A2M: variants seen among roughly 807,000 people sequenced by gnomAD.
A2M encodes the protein C3 and PZP-like alpha-2-macroglobulin domain-containing protein 5.
Under a neutral mutation model 183.9 loss-of-function variants are expected in A2M, and 128 were observed. The ratio of observed to expected loss-of-function variants is 0.70; its 90% CI spans 0.60 to 0.81. The LOEUF is 0.81. A2M is among the 30% of genes least tolerant of loss of function. The probability of loss-of-function intolerance (pLI) is 0.00; values close to 1 mark genes in which losing one functional copy is unlikely to be tolerated. For synonymous variants in A2M, 592 were observed against 670.8 expected (o/e 0.88, Z 1.81); for missense variants, 1,495 against 1,787.6 (o/e 0.84, Z 2.95).
chr12:9,106,629 C>T, intron 8 of A2M, 24 bp from the exon 9 acceptor site: 3 of 1,292,326 alleles, frequency 2.3e-6, no homozygotes, highest in Non-Finnish European at 3.3e-6. Context: ...AAATAAAATA[C>T]AAAAATATAA....
At chr12:9,082,616 A>G (rs188180988) in intron 22 of A2M, among the ~76,000 whole-genome samples, 6 of 152,334 alleles carry the variant, frequency 3.9e-5, no homozygotes, top group Non-Finnish European at 8.8e-5. Flanking sequence ...CCTCAAATGC[A>G]CAAATAATGC....
At chr12:9,067,868 G>A in intron 35 of A2M, 29 bp from the exon 36 acceptor site, 1 of 1,607,462 alleles carries the variant, frequency 6.2e-7, no homozygotes, top group Non-Finnish European at 8.5e-7. Flanking sequence ...AAAAAATTAA[G>A]ACAGATTTGG....
At position 9,109,340 on chromosome 12, in the gene A2M, T is replaced by G; in HGVS notation, c.739A>C (p.Asn247His). The change falls in exon 7 of 36, where the codon AAT becomes CAT. Residue 247 changes from asparagine (N) to histidine (H), a missense_variant. Coordinates refer to ENST00000318602, the MANE Select transcript of A2M (RefSeq NM_000014.6). ...KIITILEEEMNVSVCGLYTYG... is the reference protein window; with the variant it reads ...KIITILEEEMHVSVCGLYTYG... ...ACTCACAGGCCACACACTGATACAT[T>G]CATCTCTTCTTCCAAGATGGTGATT... is the stretch of plus-strand genomic sequence containing the variant. 7 of 1,613,006 alleles carry G rather than the reference T, an allele frequency of 4.3e-6. No homozygotes were observed. Among genetic ancestry groups the G allele is most frequent in the Non-Finnish European group, 5.9e-6 (7 of 1,179,176 alleles).
chr12:9,109,735 G>C, intron 6 of A2M, 132 bp downstream of exon 6: 1 of 842,796 alleles, frequency 1.2e-6, no homozygotes, highest in Non-Finnish European at 1.8e-6. Flanking sequence ...TTGGACTTAG[G>C]TGTAATTAAT....
chr12:9,100,289 G>A (rs995727751), intron 13 of A2M, among the ~76,000 whole-genome samples: 17 of 152,172 alleles, frequency 1.1e-4, no homozygotes, highest in African/African-American at 3.9e-4. Context: ...CCTTGAAATC[G>A]TACATTTTCT....
intron 18 of A2M, among the ~76,000 whole-genome samples, chr12:9,091,825 A>C (rs777988624): frequency 6.6e-6 from 1 of 152,226 alleles, no homozygotes; most frequent in African/African-American, 2.4e-5. Context: ...GATCTCTTAC[A>C]GGCAATCTGT....
intron 28 of A2M, among the ~76,000 whole-genome samples, chr12:9,076,441 C>T (rs78957753): frequency 0.02 from 3,068 of 152,296 alleles, 110 homozygotes; most frequent in African/African-American, 0.07. Context: ...AGAGAATGCT[C>T]TTCTTACCAG....
At position 9,072,739 on chromosome 12, in the gene A2M, G is replaced by C; in HGVS notation, c.3889C>G (p.Arg1297Gly). 1 of 1,614,136 alleles carries C rather than the reference G, an allele frequency of 6.2e-7. No individual in the cohort carries two copies. The highest frequency in any genetic ancestry group is 8.5e-7 in the Non-Finnish European group (1 of 1,180,030). ...SSKFQVDNNN[R>G]LLLQQVSLPE... is the part of the protein sequence containing the mutation. Reference sequence around the variant, plus strand: ...AATGAGACCTGCTGCAGTAACAGGCGGTTGTTGTTGTCCACTTGGAATTTG... The same window carrying C: ...AATGAGACCTGCTGCAGTAACAGGCCGTTGTTGTTGTCCACTTGGAATTTG... The change falls in exon 30 of 36, where the codon CGC becomes GGC. Residue 1297 changes from arginine (R) to glycine (G), a missense_variant. By Grantham distance (125) the Arg-to-Gly change is moderately radical. Transcript: ENST00000318602.
chr12:9,096,029 G>A (rs1949371568), intron 15 of A2M, among the ~76,000 whole-genome samples: 1 of 152,034 alleles, frequency 6.6e-6, no homozygotes, highest in African/African-American at 2.4e-5. Flanking sequence ...AAAGTGCTGG[G>A]ATTACAGGCG....
chr12:9,092,875 G>A (rs7971254), intron 18 of A2M, among the ~76,000 whole-genome samples: 1,564 of 152,308 alleles, frequency 0.01, 22 homozygotes, highest in African/African-American at 0.034. Context: ...GTGTCTGGGT[G>A]AATGGATAAA....
chr12:9,096,824 A>G (rs1421830759), intron 15 of A2M, among the ~76,000 whole-genome samples: 1 of 152,192 alleles, frequency 6.6e-6, no homozygotes, highest in Non-Finnish European at 1.5e-5. Flanking sequence ...GGGACAGACA[A>G]TGTAAGTTCC....
intron 23 of A2M, 37 bp from the exon 24 acceptor site, chr12:9,079,852 G>A (rs777520861): frequency 1.3e-6 from 2 of 1,497,472 alleles, no homozygotes; most frequent in Non-Finnish European, 1.8e-6. Flanking sequence ...ATAAAGCTTG[G>A]AGATTATCAT....
At chr12:9,075,847 T>C (rs925770756) in intron 28 of A2M, among the ~76,000 whole-genome samples, 1 of 152,210 alleles carries the variant, frequency 6.6e-6, no homozygotes, top group African/African-American at 2.4e-5. Context: ...ATGTCGGTAA[T>C]TTTCTATTTC....
chr12:9,083,101 G>A (rs1948953742), intron 22 of A2M, among the ~76,000 whole-genome samples: 1 of 152,176 alleles, frequency 6.6e-6, no homozygotes, highest in Non-Finnish European at 1.5e-5. Flanking sequence ...GGACATGGAT[G>A]AAGCTGGAAA....
In A2M at chr12:9,107,635, A is replaced by T; in HGVS notation, c.768T>A (p.Tyr256Ter). ...MNVSVCGLYT[Y>*]GKPVPGHVTV... ...TCACATGTCCAGGGACAGGCTTCCC[A>T]TATGTGTATCTGTCATGAGAACATT... Residue 256 changes from tyrosine (Y) to a stop codon, truncating the protein, a stop_gained, in exon 8 of 36, where the codon TAT (tyrosine) becomes TAA (stop). Coordinates refer to ENST00000318602, the MANE Select transcript of A2M (RefSeq NM_000014.6). LOFTEE classifies it high-confidence loss of function. 1.2e-6 allele frequency: 2 copies of T among 1,613,928 alleles called. No homozygotes were observed. The highest frequency in any genetic ancestry group is 1.7e-6 in the Non-Finnish European group (2 of 1,179,860).
At chr12:9,094,096 G>C (rs889087927) in intron 17 of A2M, among the ~76,000 whole-genome samples, 2 of 151,962 alleles carry the variant, frequency 1.3e-5, no homozygotes, top group African/African-American at 4.8e-5. Flanking sequence ...AGGCCGTGAA[G>C]AGGGGCAGGA....
At chr12:9,077,570 C>A in intron 26 of A2M, 131 bp downstream of exon 26, 1 of 1,494,770 alleles carries the variant, frequency 6.7e-7, no homozygotes, top group Non-Finnish European at 9.1e-7. Flanking sequence ...TCTATCCCCT[C>A]TTTTTTGGTG....
At position 9,109,861 on chromosome 12, in the gene A2M, C is replaced by T; in HGVS notation, c.673+6G>A. 1.1e-5 allele frequency: 18 copies of T among 1,588,952 alleles called. No homozygotes were observed. Among genetic ancestry groups the T allele is most frequent in the Non-Finnish European group, 1.5e-5 (17 of 1,171,234 alleles). On this transcript the variant is annotated splice_donor_region_variant and intron_variant, in intron 6 of 35. Coordinates refer to ENST00000318602, the MANE Select transcript of A2M (RefSeq NM_000014.6). ...ATAATGCTTGATGACTTTTCATGAT[C>T]CATACCAAATTCCTCCACGGTGAAA...
chr12:9,067,765 T>C lies in A2M; in HGVS notation c.*58A>G. Reference sequence around the variant, plus strand: ...GTCTTTAAAGATACAAAAACACGTGTCTTCTGTGGAGCTCTGAGAACAGGA... The same window carrying C: ...GTCTTTAAAGATACAAAAACACGTGCCTTCTGTGGAGCTCTGAGAACAGGA... On this transcript the variant is annotated 3_prime_UTR_variant, in exon 36 of 36. Transcript: ENST00000318602. The C allele has an allele frequency of 6.4e-7, 1 of 1,552,430 alleles. No homozygotes were observed. The highest frequency in any genetic ancestry group is 8.9e-7 in the Non-Finnish European group (1 of 1,126,974).
Sources: allele counts gnomAD v4.1 joint callset (sites outside exome capture counted in the v4.1 genomes callset), GRCh38; gene constraint gnomAD v4.1.1; transcripts MANE v1.5; gene names NCBI Gene and HGNC (gene_info 2026-07-23, HGNC 2026-07-21).